The following UGT1A9 variants were observed in gnomAD, a reference collection of about 807,000 sequenced individuals.
The protein encoded by UGT1A9 is UDP-glucuronosyltransferase 1A9.
UGT1A9 carries 35 observed loss-of-function variants against 45.0 expected under a neutral mutation model. The observed-to-expected ratio is 0.78, with a 90% CI of 0.59 to 1.03. The LOEUF (loss-of-function observed/expected upper bound fraction) is 1.03. Ranked by LOEUF, UGT1A9 falls within the 50% of genes least tolerant of loss-of-function variation. The pLI, the probability that UGT1A9 is intolerant of heterozygous loss-of-function variation, is 0.00. For synonymous variants in UGT1A9, 278 were observed against 250.6 expected (o/e 1.11, Z -1.03); for missense variants, 687 against 666.6 (o/e 1.03, Z -0.34).
At chr2:233,734,411 C>T (rs1003514733) in intron 1 of UGT1A9, among the ~76,000 whole-genome samples, 1 of 152,010 alleles carries the variant, frequency 6.6e-6, no homozygotes, top group Admixed American at 6.6e-5. Context: ...TGATTCTTCT[C>T]TCTTTTCTTC....
At chr2:233,768,072 G>T in intron 3 of UGT1A9, 136 bp downstream of exon 3, 2 of 1,594,474 alleles carry the variant, frequency 1.3e-6, no homozygotes, top group South Asian at 2.2e-5. Context: ...TTATCTAGTG[G>T]GGTATCTCAA....
chr2:233,737,696 C>T (rs2078911570), intron 1 of UGT1A9, among the ~76,000 whole-genome samples: 1 of 152,160 alleles, frequency 6.6e-6, no homozygotes, highest in African/African-American at 2.4e-5. Context: ...GGTGCTGAAG[C>T]TTCCGTTCTC....
rs1409125726 is a variant in UGT1A9, at chr2:233,724,318, C to A, written c.856-42716C>A. ...CCCCCCACCTCCCTCCCGGACGGGG[C>A]GGCTGGCCAGGCGGGGGGCTGACCC... is the stretch of plus-strand genomic sequence containing the variant. On this transcript the variant is annotated intron_variant, in intron 1 of 4. Transcript: ENST00000354728. Among the ~76,000 whole-genome samples, 124 of 143,122 alleles carry A rather than the reference C, an allele frequency of 8.7e-4. 1 individual carries two copies. Among genetic ancestry groups the A allele is most frequent in the African/African-American group, 2.9e-3 (111 of 38,264 alleles). 93.9% of individuals were successfully genotyped at this position (143,122 alleles called of 152,430 possible).
intron 1 of UGT1A9, among the ~76,000 whole-genome samples, chr2:233,715,449 T>C (rs2076452367): frequency 6.6e-6 from 1 of 152,180 alleles, no homozygotes; most frequent in African/African-American, 2.4e-5. Context: ...TCCTATGTTA[T>C]TTTTTGAATT....
rs767732319 is a variant in UGT1A9, at chr2:233,772,468, T to A, written c.1502T>A (p.Phe501Tyr). ...FLLAVVLTVA[F>Y]ITFKCCAYGY... Reference sequence around the variant, plus strand: ...TTGGCCGTCGTGCTGACAGTGGCCTTCATCACCTTTAAATGTTGTGCTTAT... The same window carrying A: ...TTGGCCGTCGTGCTGACAGTGGCCTACATCACCTTTAAATGTTGTGCTTAT... The change falls in exon 5 of 5, where the codon TTC (phenylalanine) becomes TAC (tyrosine). Residue 501 changes from phenylalanine (F) to tyrosine (Y), a missense_variant. Physicochemically the swap from Phe to Tyr is conservative, Grantham distance 22. Transcript: ENST00000354728. The A allele has an allele frequency of 3.7e-6, 6 of 1,614,162 alleles. No homozygotes were observed. In the South Asian group the frequency reaches 6.6e-5, roughly 18 times the overall value.
At position 233,731,482 on chromosome 2, in the gene UGT1A9, G is replaced by T. The variant is rs562723642; in HGVS notation, c.856-35552G>T. Among the ~76,000 whole-genome samples the T allele has an allele frequency of 2.6e-5, 4 of 152,206 alleles. No individual in the cohort carries two copies. In the East Asian group the frequency reaches 7.7e-4, roughly 29 times the overall value. On this transcript the variant is annotated intron_variant, in intron 1 of 4. Transcript: ENST00000354728. ...CCTGGCGTGTGATGTTCCCTGGCCTGTGTCCAGTGTTCTTGCTGTTCAGTT... is the reference window on the plus strand; with the variant it reads ...CCTGGCGTGTGATGTTCCCTGGCCTTTGTCCAGTGTTCTTGCTGTTCAGTT...
At chr2:233,719,447 A>G (rs2076767544) in intron 1 of UGT1A9, 2 of 1,613,934 alleles carry the variant, frequency 1.2e-6, no homozygotes, top group South Asian at 1.1e-5. Context: ...CATTCCTGCA[A>G]AGGGTCAAGA....
At chr2:233,709,022 A>C (rs1052835676) in intron 1 of UGT1A9, among the ~76,000 whole-genome samples, 4 of 152,110 alleles carry the variant, frequency 2.6e-5, no homozygotes, top group Non-Finnish European at 5.9e-5. Flanking sequence ...CCCAAGCAGC[A>C]GGGGCTTCAG....
chr2:233,729,678 C>T (rs748966468), intron 1 of UGT1A9: 13 of 1,613,930 alleles, frequency 8.1e-6, no homozygotes, highest in Middle Eastern at 1.7e-4. Context: ...ACTTTAAGGG[C>T]ACACAGTGTC....
chr2:233,691,794 T>C (rs1414888702), intron 1 of UGT1A9: 1 of 237,524 alleles, frequency 4.2e-6, no homozygotes, highest in Non-Finnish European at 6.8e-6. Flanking sequence ...GCTAGACTTA[T>C]ACTTCTCAAA....
chr2:233,729,725 C>A (rs780989099), intron 1 of UGT1A9: 1 of 1,613,968 alleles, frequency 6.2e-7, no homozygotes, highest in East Asian at 2.2e-5. Flanking sequence ...TTACTAACAA[C>A]CAATTCAGAC....
intron 2 of UGT1A9, 147 bp from the exon 3 acceptor site, chr2:233,767,702 C>A: frequency 1.3e-6 from 2 of 1,514,192 alleles, no homozygotes; most frequent in Non-Finnish European, 1.8e-6. Flanking sequence ...AGTTGCCAGT[C>A]CTCAGAAGCC....
chr2:233,770,389 C>T (rs1188448895), intron 4 of UGT1A9: 4 of 152,212 alleles, frequency 2.6e-5, no homozygotes, highest in African/African-American at 4.8e-5. Flanking sequence ...TACGGTGGCT[C>T]ATGCCTGTAG....
intron 1 of UGT1A9, chr2:233,760,598 C>A (rs1373476296): frequency 6.2e-7 from 1 of 1,614,208 alleles, no homozygotes; most frequent in East Asian, 2.2e-5. Context: ...GAGAATGATT[C>A]TTTCCTGCAG....
rs1333719360 is a variant in UGT1A9, at chr2:233,772,369, C to T, written c.1403C>T (p.Ala468Val). 23 of 1,614,110 alleles carry T rather than the reference C, an allele frequency of 1.4e-5. No homozygotes were observed. Among genetic ancestry groups the T allele is most frequent in the African/African-American group, 8.0e-5 (6 of 74,934 alleles). ...GAGTTTGTGATGAGGCACAAGGGCG[C>T]GCCACACCTGCGCCCCGCAGCCCAC... Reference protein sequence around the residue: ...WVEFVMRHKGAPHLRPAAHDL... With the variant: ...WVEFVMRHKGVPHLRPAAHDL... Residue 468 changes from alanine to valine, a missense_variant, in exon 5 of 5, where the codon GCG (alanine) becomes GTG (valine). By Grantham distance (64) the Ala-to-Val change is moderately conservative. Transcript: ENST00000354728.
chr2:233,729,171 A>G, intron 1 of UGT1A9: 1 of 1,613,740 alleles, frequency 6.2e-7, no homozygotes, highest in Non-Finnish European at 8.5e-7. Context: ...TGGCCACAGG[A>G]CTGCTGCTTC....
At position 233,688,334 on chromosome 2, in the gene UGT1A9, C is replaced by T. The variant is rs1408140976; in HGVS notation, c.855+15545C>T. Among the ~76,000 whole-genome samples, 4 of 152,262 alleles carry T rather than the reference C, an allele frequency of 2.6e-5. No individual in the cohort carries two copies. The East Asian group carries it at 5.8e-4, about 22-fold the overall frequency. On this transcript the variant is annotated intron_variant, in intron 1 of 4. Coordinates refer to ENST00000354728, the MANE Select transcript of UGT1A9 (RefSeq NM_021027.3). ...CAGTTGGTGGACATTTGGGTTGTTT[C>T]CCATTTTCAGCCATGAAAAATAATG...
intron 1 of UGT1A9, among the ~76,000 whole-genome samples, chr2:233,737,794 C>T (rs140109342): frequency 3.4e-4 from 51 of 152,152 alleles, no homozygotes; most frequent in African/African-American, 1.2e-3. Flanking sequence ...TGGCTCAAAT[C>T]TTCACTATCA....
intron 1 of UGT1A9, among the ~76,000 whole-genome samples, chr2:233,739,348 G>C (rs1455435875): frequency 6.6e-6 from 1 of 152,152 alleles, no homozygotes. Context: ...GAACCCAGAA[G>C]GGCAGATCCA....
Sources: allele counts gnomAD v4.1 joint callset (sites outside exome capture counted in the v4.1 genomes callset), GRCh38; gene constraint gnomAD v4.1.1; transcripts MANE v1.5; gene names NCBI Gene and HGNC (gene_info 2026-07-23, HGNC 2026-07-21).